Variants in ARHGEF26 observed in about 807,000 individuals in gnomAD.
ARHGEF26 encodes the protein Rho guanine nucleotide exchange factor (GEF) 26.
Under a neutral mutation model 89.4 loss-of-function variants are expected in ARHGEF26, and 59 were observed. That is an observed-to-expected ratio of 0.66 (90% CI 0.54 to 0.82). The LOEUF (loss-of-function observed/expected upper bound fraction) is 0.82. ARHGEF26 is among the 40% of genes least tolerant of loss of function. The pLI, the probability that ARHGEF26 is intolerant of heterozygous loss-of-function variation, is 0.00. For missense variants in ARHGEF26, 1,234 were observed against 1,085.6 expected, an observed-to-expected ratio of 1.14 and a Z score of -1.92; for synonymous variants, 500 against 428.4, an observed-to-expected ratio of 1.17 and a Z score of -2.06.
chr3:154,159,975 A>G (rs983560474), intron 6 of ARHGEF26, among the ~76,000 whole-genome samples: 2 of 152,142 alleles, frequency 1.3e-5, no homozygotes, highest in African/African-American at 2.4e-5. Context: ...CTTACTCCAT[A>G]TATACTCAAG....
At chr3:154,200,397 T>C (rs1229425497) in intron 9 of ARHGEF26, among the ~76,000 whole-genome samples, 1 of 152,016 alleles carries the variant, frequency 6.6e-6, no homozygotes, top group Non-Finnish European at 1.5e-5. Flanking sequence ...TCTAAGTTCT[T>C]TTTTCTGCTC....
At chr3:154,250,004 C>A (rs1718032677) in intron 12 of ARHGEF26, among the ~76,000 whole-genome samples, 1 of 152,104 alleles carries the variant, frequency 6.6e-6, no homozygotes, top group East Asian at 1.9e-4. Flanking sequence ...GTAGTACTTT[C>A]TGCTTCATAG....
Position 154,130,763 on chromosome 3 carries a change from A to G in ARHGEF26, c.1269+1044A>G, listed in dbSNP as rs542960602. ...CTTGGTTCAGGGGAGCTTTGCATCA[A>G]AAACAAGCCAGTACACCTCCATGAG... On this transcript the variant is annotated intron_variant, in intron 4 of 14. Transcript: ENST00000465093. Among the ~76,000 whole-genome samples, 20 of 152,348 alleles carry G rather than the reference A, an allele frequency of 1.3e-4. 1 individual carries two copies. In the South Asian group the frequency reaches 3.9e-3, roughly 30 times the overall value.
intron 9 of ARHGEF26, among the ~76,000 whole-genome samples, chr3:154,201,422 G>A (rs909065563): frequency 9.2e-5 from 14 of 152,022 alleles, no homozygotes; most frequent in African/African-American, 3.4e-4. Flanking sequence ...ATTTGGGTTG[G>A]TTCCAAGTCT....
chr3:154,186,114 A>G (rs1462071904), intron 6 of ARHGEF26, among the ~76,000 whole-genome samples: 1 of 139,318 alleles, frequency 7.2e-6, no homozygotes, highest in Non-Finnish European at 1.5e-5. Context: ...GTATTATGCT[A>G]CCGTTTCTCT....
chr3:154,155,390 A>C (rs1319098120), intron 6 of ARHGEF26, among the ~76,000 whole-genome samples: 1 of 152,034 alleles, frequency 6.6e-6, no homozygotes, highest in Non-Finnish European at 1.5e-5. Flanking sequence ...GTTAACATGT[A>C]AGATTGGCTT....
intron 11 of ARHGEF26, among the ~76,000 whole-genome samples, chr3:154,228,570 A>G (rs1716637230): frequency 6.6e-6 from 1 of 151,478 alleles, no homozygotes; most frequent in African/African-American, 2.4e-5. Context: ...TGCCTTACCA[A>G]TTAGTTCATT....
intron 9 of ARHGEF26, among the ~76,000 whole-genome samples, chr3:154,211,780 G>T (rs1371172063): frequency 6.6e-6 from 1 of 151,964 alleles, no homozygotes; most frequent in African/African-American, 2.4e-5. Flanking sequence ...AAGCTGTATT[G>T]GTCAGTGCAG....
Position 154,257,314 on chromosome 3 carries a change from G to GTGT in ARHGEF26, c.*1844_*1846dup, listed in dbSNP as rs541685287. 1,351 of 165,720 alleles carry GTGT rather than the reference G, an allele frequency of 8.2e-3. 6 individuals carry two copies. The highest frequency in any genetic ancestry group is 0.013 in the Non-Finnish European group (980 of 77,298). 10.3% of individuals were successfully genotyped at this position (165,720 alleles called of 1,614,324 possible). On this transcript the variant is annotated 3_prime_UTR_variant, in exon 15 of 15. Coordinates refer to ENST00000465093, the MANE Select transcript of ARHGEF26 (RefSeq NM_015595.4). ...ATAGCAATGGTCCACAGTGAAAGAT[G>GTGT]TGTTGGGGTTTGCAAAACAAGCATT...
chr3:154,172,008 A>G (rs1049598512), intron 6 of ARHGEF26, among the ~76,000 whole-genome samples: 36 of 152,210 alleles, frequency 2.4e-4, no homozygotes, highest in African/African-American at 8.2e-4. Context: ...GGAAGAATCA[A>G]CATACCTTAA....
At chr3:154,127,972 A>G (rs1397360141) in intron 3 of ARHGEF26, among the ~76,000 whole-genome samples, 1 of 152,172 alleles carries the variant, frequency 6.6e-6, no homozygotes, top group Non-Finnish European at 1.5e-5. Flanking sequence ...GCTTTTGTGT[A>G]TGCTTTTCCT....
intron 6 of ARHGEF26, among the ~76,000 whole-genome samples, chr3:154,174,081 A>G (rs1261937983): frequency 6.6e-6 from 1 of 152,188 alleles, no homozygotes; most frequent in Non-Finnish European, 1.5e-5. Flanking sequence ...AGCTCTCTCT[A>G]CAGGGAGACA....
chr3:154,221,612 A>G (rs1020561716), intron 10 of ARHGEF26, among the ~76,000 whole-genome samples: 1 of 152,244 alleles, frequency 6.6e-6, no homozygotes, highest in Non-Finnish European at 1.5e-5. Flanking sequence ...AAATTATAGT[A>G]TACGCAAATA....
At chr3:154,164,149 C>A (rs1711843211) in intron 6 of ARHGEF26, among the ~76,000 whole-genome samples, 1 of 151,966 alleles carries the variant, frequency 6.6e-6, no homozygotes, top group Admixed American at 6.6e-5. Flanking sequence ...TTTCTTATAT[C>A]TTAGGTGCTG....
At chr3:154,193,056 C>T (rs1419495467) in intron 8 of ARHGEF26, among the ~76,000 whole-genome samples, 2 of 151,814 alleles carry the variant, frequency 1.3e-5, no homozygotes, top group Non-Finnish European at 2.9e-5. Context: ...GCCACAGACC[C>T]CCCCTTGAGA....
intron 10 of ARHGEF26, among the ~76,000 whole-genome samples, chr3:154,219,475 A>C (rs1387503131): frequency 6.6e-6 from 1 of 151,842 alleles, no homozygotes; most frequent in African/African-American, 2.4e-5. Context: ...GGCACCTGTA[A>C]TCCCAGCTAT....
At chr3:154,189,001 A>G (rs1176437224) in intron 7 of ARHGEF26, among the ~76,000 whole-genome samples, 3 of 152,126 alleles carry the variant, frequency 2.0e-5, no homozygotes, top group African/African-American at 7.2e-5. Flanking sequence ...CTAGATGCCA[A>G]AAATCTCCCC....
chr3:154,133,616 G>T (rs1406383424), intron 4 of ARHGEF26, among the ~76,000 whole-genome samples: 3 of 152,012 alleles, frequency 2.0e-5, no homozygotes, highest in Admixed American at 2.0e-4. Context: ...CTGTAGCCCT[G>T]TAGTGTAGTT....
intron 13 of ARHGEF26, among the ~76,000 whole-genome samples, chr3:154,254,499 C>T (rs1298692848): frequency 6.6e-6 from 1 of 152,088 alleles, no homozygotes; most frequent in Non-Finnish European, 1.5e-5. Flanking sequence ...GGGAATCATG[C>T]ATCATAAAAG....
Sources: gnomAD v4.1 joint callset for allele counts (sites outside exome capture counted in the v4.1 genomes callset) on GRCh38, gnomAD v4.1.1 for gene constraint, MANE v1.5 for transcripts, NCBI Gene and HGNC (gene_info 2026-07-23, HGNC 2026-07-21) for gene names.